Variants in ARHGAP31 observed in about 807,000 individuals in gnomAD.
ARHGAP31 encodes rho GTPase-activating protein 31.
In ARHGAP31, 34 loss-of-function variants were observed where a neutral mutation model predicts 113.9. That is an observed-to-expected ratio of 0.30 (90% confidence interval 0.23 to 0.40). ARHGAP31 has a LOEUF of 0.40. ARHGAP31 is among the 10% of genes least tolerant of loss of function. The probability of loss-of-function intolerance (pLI) is 1.00; values close to 1 mark genes in which losing one functional copy is unlikely to be tolerated. For missense variants in ARHGAP31, 1,548 were observed against 1,767.1 expected, an observed-to-expected ratio of 0.88 and a Z score of 2.22; for synonymous variants, 650 against 684.8, an observed-to-expected ratio of 0.95 and a Z score of 0.79.
In ARHGAP31 at chr3:119,382,384, C is replaced by T. The variant is rs2080408780; in HGVS notation, c.524C>T (p.Ala175Val). 6.2e-7 allele frequency: 1 copy of T among 1,613,968 alleles called. No individual in the cohort carries two copies. Among genetic ancestry groups the T allele is most frequent in the African/African-American group, 1.3e-5 (1 of 74,912 alleles). ...GCCCGGAACCTGGCCCTGGTGTGGGCGCCAAACCTCCTCAGGTAACCACTC... is the reference window on the plus strand; with the variant it reads ...GCCCGGAACCTGGCCCTGGTGTGGGTGCCAAACCTCCTCAGGTAACCACTC... Reference protein sequence around the residue: ...MHARNLALVWAPNLLRSKEIE... With the variant: ...MHARNLALVWVPNLLRSKEIE... Residue 175 changes from alanine to valine, a missense_variant, in exon 5 of 12, where the codon GCG becomes GTG. Ala to Val is a moderately conservative substitution (Grantham distance 64). Transcript: ENST00000264245.
intron 1 of ARHGAP31, among the ~76,000 whole-genome samples, chr3:119,346,929 G>A (rs1241039011): frequency 6.6e-6 from 1 of 152,112 alleles, no homozygotes; most frequent in Admixed American, 6.5e-5. Flanking sequence ...ATGATCTGAC[G>A]GTCTCTTCCA....
At chr3:119,400,193 A>T (rs191563218) in intron 9 of ARHGAP31, among the ~76,000 whole-genome samples, 2 of 152,298 alleles carry the variant, frequency 1.3e-5, no homozygotes, top group Non-Finnish European at 2.9e-5. Flanking sequence ...GCACTTTGGG[A>T]GGCTGAGGCA....
intron 1 of ARHGAP31, among the ~76,000 whole-genome samples, chr3:119,310,755 C>T (rs1162995628): frequency 6.6e-6 from 1 of 152,228 alleles, no homozygotes; most frequent in East Asian, 1.9e-4. Context: ...AGACAACCAC[C>T]ATTTAGCGAG....
Position 119,416,562 on chromosome 3 carries a change from A to G in ARHGAP31, c.*298A>G, listed in dbSNP as rs2080781384. The G allele has an allele frequency of 2.3e-6, 1 of 435,920 alleles. No homozygotes were observed. Among genetic ancestry groups the G allele is most frequent in the Non-Finnish European group, 4.3e-6 (1 of 234,132 alleles). The allele number at this position is 435,920 out of a possible 1,614,324, so 27.0% of individuals were successfully genotyped here. A position where few individuals can be genotyped will look rare whatever the true frequency, so the allele number is the denominator to read the frequency against. Reference sequence around the variant, plus strand: ...ACTTTGGAGCTTGTATGTGAGTCAGATTGCTCCCCTATTGCTATTATCTAT... The same window carrying G: ...ACTTTGGAGCTTGTATGTGAGTCAGGTTGCTCCCCTATTGCTATTATCTAT... On this transcript the variant is annotated 3_prime_UTR_variant, in exon 12 of 12. Coordinates refer to ENST00000264245, the MANE Select transcript of ARHGAP31 (RefSeq NM_020754.4).
chr3:119,368,468 G>A lies in ARHGAP31; in HGVS notation c.300G>A (p.Arg100=). Residue 100 remains arginine, a synonymous_variant, in exon 3 of 12, where the codon AGG becomes AGA. Transcript: ENST00000264245. ...CVGSLCKLYF[R]ELPNPLLTYE... ...GCTCGCTTTGCAAGCTCTACTTTAG[G>A]GAGCTGCCCAACCCCCTCCTGACTT... 2 of 1,614,074 alleles carry A rather than the reference G, an allele frequency of 1.2e-6. No homozygotes were observed. Among genetic ancestry groups the A allele is most frequent in the Non-Finnish European group, 1.7e-6 (2 of 1,180,008 alleles).
At chr3:119,338,937 A>G (rs2079983427) in intron 1 of ARHGAP31, among the ~76,000 whole-genome samples, 1 of 152,230 alleles carries the variant, frequency 6.6e-6, no homozygotes, top group Non-Finnish European at 1.5e-5. Flanking sequence ...ACAGAAGAAA[A>G]TGGAAACAGA....
intron 10 of ARHGAP31, among the ~76,000 whole-genome samples, chr3:119,402,715 T>C (rs2080623780): frequency 6.6e-6 from 1 of 152,228 alleles, no homozygotes; most frequent in African/African-American, 2.4e-5. Flanking sequence ...AAGTATATAA[T>C]AAATATTACC....
intron 4 of ARHGAP31, among the ~76,000 whole-genome samples, chr3:119,381,593 G>C (rs1470773123): frequency 6.6e-6 from 1 of 152,154 alleles, no homozygotes; most frequent in East Asian, 1.9e-4. Context: ...GATCCCTGTA[G>C]CTGGGAGAAT....
chr3:119,319,244 T>A (rs926210467), intron 1 of ARHGAP31, among the ~76,000 whole-genome samples: 1 of 150,372 alleles, frequency 6.7e-6, no homozygotes, highest in Non-Finnish European at 1.5e-5. Context: ...AAAAAAAAAC[T>A]CTAGAGTTTT....
In ARHGAP31 at chr3:119,318,999, T is replaced by C. The variant is rs985007785; in HGVS notation, c.100+23995T>C. Among the ~76,000 whole-genome samples, 3 of 152,080 alleles carry C rather than the reference T, an allele frequency of 2.0e-5. No homozygotes were observed. In the East Asian group the frequency reaches 5.8e-4, roughly 29 times the overall value. ...GCCTTTTCAAAATAAGCAACGCTGC[T>C]GGTCTAGTCTATCTTGGGACTCATT... On this transcript the variant is annotated intron_variant, in intron 1 of 11. Transcript: ENST00000264245.
chr3:119,319,366 T>C (rs985837229), intron 1 of ARHGAP31, among the ~76,000 whole-genome samples: 4 of 152,190 alleles, frequency 2.6e-5, no homozygotes, highest in African/African-American at 9.7e-5. Flanking sequence ...CAAAGATCAT[T>C]GCTTTCTGTT....
Position 119,382,383 on chromosome 3 carries a change from G to A in ARHGAP31, c.523G>A (p.Ala175Thr), listed in dbSNP as rs1411581309. ...MHARNLALVW[A>T]PNLLRSKEIE... ...CGCCCGGAACCTGGCCCTGGTGTGG[G>A]CGCCAAACCTCCTCAGGTAACCACT... is the stretch of plus-strand genomic sequence containing the variant. Residue 175 changes from alanine (A) to threonine (T), a missense_variant, in exon 5 of 12, where the codon GCG becomes ACG. Coordinates refer to ENST00000264245, the MANE Select transcript of ARHGAP31 (RefSeq NM_020754.4). 6.2e-7 allele frequency: 1 copy of A among 1,614,120 alleles called. No homozygotes were observed. Among genetic ancestry groups the A allele is most frequent in the South Asian group, 1.1e-5 (1 of 91,084 alleles).
intron 6 of ARHGAP31, among the ~76,000 whole-genome samples, chr3:119,387,031 G>T (rs1054157401): frequency 1.3e-5 from 2 of 152,152 alleles, no homozygotes; most frequent in East Asian, 3.8e-4. Context: ...AGATAACTGC[G>T]GGCGAGCCTG....
chr3:119,360,480 T>A (rs1048901524), intron 1 of ARHGAP31, among the ~76,000 whole-genome samples: 1 of 152,214 alleles, frequency 6.6e-6, no homozygotes, highest in Non-Finnish European at 1.5e-5. Flanking sequence ...TCTCCAGGTC[T>A]GATCAGGTCC....
At chr3:119,303,795 G>T (rs1057345123) in intron 1 of ARHGAP31, among the ~76,000 whole-genome samples, 1,507 of 136,006 alleles carry the variant, frequency 0.011, 27 homozygotes, top group African/African-American at 0.032. Flanking sequence ...TTTTGTTGTT[G>T]TTGTTGTTGT....
chr3:119,337,117 T>C (rs1343955667), intron 1 of ARHGAP31, among the ~76,000 whole-genome samples: 1 of 152,212 alleles, frequency 6.6e-6, no homozygotes, highest in Non-Finnish European at 1.5e-5. Context: ...TGTCCAGAAT[T>C]GGTGAGCTCT....
At position 119,364,875 on chromosome 3, in the gene ARHGAP31, C is replaced by T. The variant is rs1055783069; in HGVS notation, c.101-441C>T. Among the ~76,000 whole-genome samples, 9 of 152,106 alleles carry T rather than the reference C, an allele frequency of 5.9e-5. No homozygotes were observed. In the East Asian group the frequency reaches 1.7e-3, roughly 29 times the overall value. On this transcript the variant is annotated intron_variant, in intron 1 of 11. Coordinates refer to ENST00000264245, the MANE Select transcript of ARHGAP31 (RefSeq NM_020754.4). ...TGGGAGGCCAAGGCGGGTGGATCAC[C>T]TGAAGTCAAGTGTTGGAGACCAGCC...
chr3:119,388,378 C>T (rs1225186183), intron 6 of ARHGAP31, among the ~76,000 whole-genome samples: 1 of 148,114 alleles, frequency 6.8e-6, no homozygotes, highest in African/African-American at 2.5e-5. Context: ...GGCCAGTGGG[C>T]AAACAGGAAA....
At chr3:119,401,231 A>G (rs2080603486) in intron 9 of ARHGAP31, among the ~76,000 whole-genome samples, 2 of 151,972 alleles carry the variant, frequency 1.3e-5, no homozygotes, top group Admixed American at 1.3e-4. Flanking sequence ...GTTAATTTAC[A>G]TTTCTAGTTT....
Sources: gnomAD v4.1 joint callset for allele counts (sites outside exome capture counted in the v4.1 genomes callset) on GRCh38, gnomAD v4.1.1 for gene constraint, MANE v1.5 for transcripts, NCBI Gene and HGNC (gene_info 2026-07-23, HGNC 2026-07-21) for gene names.